SH3PXD2A: variants seen among roughly 807,000 people sequenced by gnomAD.
The protein encoded by SH3PXD2A is SH3 and PX domain-containing protein 2A.
A neutral mutation model predicts 115.2 loss-of-function variants in SH3PXD2A; 32 were observed. The observed-to-expected ratio is 0.28, with a 90% confidence interval of 0.21 to 0.37. The LOEUF (loss-of-function observed/expected upper bound fraction) is 0.37. Among genes scored for constraint, SH3PXD2A ranks in the 10% least tolerant of loss-of-function variants. The pLI, the probability that SH3PXD2A is intolerant of heterozygous loss-of-function variation, is 1.00. For synonymous variants in SH3PXD2A, 610 were observed against 629.1 expected (o/e 0.97, Z 0.45); for missense variants, 1,328 against 1,498.7 (o/e 0.89, Z 1.88).
intron 8 of SH3PXD2A, among the ~76,000 whole-genome samples, chr10:103,653,176 G>A (rs1400326364): frequency 6.6e-6 from 1 of 152,152 alleles, no homozygotes; most frequent in Non-Finnish European, 1.5e-5. Context: ...CAATATTTGA[G>A]CCCCATGAGG....
At chr10:103,689,426 AG>A (rs754678499) in intron 6 of SH3PXD2A, among the ~76,000 whole-genome samples, 4 of 151,932 alleles carry the variant, frequency 2.6e-5, no homozygotes, top group Non-Finnish European at 4.4e-5. Flanking sequence ...GCACTTTGGG[AG>A]GCTGAGATGG....
At chr10:103,793,575 C>T (rs1246516599) in intron 2 of SH3PXD2A, among the ~76,000 whole-genome samples, 2 of 152,226 alleles carry the variant, frequency 1.3e-5, no homozygotes, top group African/African-American at 2.4e-5. Context: ...CAGTGAATGA[C>T]CTCAGTCAAG....
intron 2 of SH3PXD2A, among the ~76,000 whole-genome samples, chr10:103,769,177 T>TGCGCGCGC (rs1168636744): frequency 6.2e-5 from 7 of 112,524 alleles, no homozygotes; most frequent in African/African-American, 2.3e-4. Context: ...TGTGTGTGTG[T>TGCGCGCGC]GTGTGCGCGC....
At chr10:103,834,009 C>T (rs2039506696) in intron 1 of SH3PXD2A, among the ~76,000 whole-genome samples, 1 of 152,196 alleles carries the variant, frequency 6.6e-6, no homozygotes, top group Non-Finnish European at 1.5e-5. Flanking sequence ...CCAGTTTCCA[C>T]CCCTCCCCCA....
At chr10:103,732,327 A>G (rs2038330346) in intron 4 of SH3PXD2A, among the ~76,000 whole-genome samples, 1 of 152,228 alleles carries the variant, frequency 6.6e-6, no homozygotes, top group Non-Finnish European at 1.5e-5. Flanking sequence ...GTCTCAGACC[A>G]TTAAATATTA....
chr10:103,663,284 G>A (rs1207007565), intron 7 of SH3PXD2A, among the ~76,000 whole-genome samples: 5 of 152,102 alleles, frequency 3.3e-5, no homozygotes, highest in Middle Eastern at 3.2e-3. Flanking sequence ...CACATTAACC[G>A]CCCCATTTCA....
intron 5 of SH3PXD2A, among the ~76,000 whole-genome samples, chr10:103,707,459 T>C (rs1321428079): frequency 6.6e-6 from 1 of 152,162 alleles, no homozygotes; most frequent in Non-Finnish European, 1.5e-5. Context: ...CCTCCCAAGG[T>C]GCTGGGATTA....
At chr10:103,820,132 C>A (rs1050277960) in intron 1 of SH3PXD2A, among the ~76,000 whole-genome samples, 1 of 152,180 alleles carries the variant, frequency 6.6e-6, no homozygotes, top group Non-Finnish European at 1.5e-5. Context: ...CTTTGTTTCA[C>A]GCTCAATTCG....
At chr10:103,770,706 G>C (rs527303223) in intron 2 of SH3PXD2A, among the ~76,000 whole-genome samples, 1 of 152,138 alleles carries the variant, frequency 6.6e-6, no homozygotes, top group Non-Finnish European at 1.5e-5. Flanking sequence ...GTGGTCCATG[G>C]GGGTGGGGGA....
chr10:103,651,915 C>T (rs1036816553), intron 8 of SH3PXD2A, among the ~76,000 whole-genome samples: 2 of 152,236 alleles, frequency 1.3e-5, no homozygotes, highest in Non-Finnish European at 2.9e-5. Context: ...CCAGGGCAAC[C>T]TGTGGCACTG....
intron 4 of SH3PXD2A, among the ~76,000 whole-genome samples, chr10:103,730,850 C>T (rs867077457): frequency 6.6e-6 from 1 of 152,066 alleles, no homozygotes; most frequent in Non-Finnish European, 1.5e-5. Flanking sequence ...TGCACAGAGT[C>T]GGGGTGGGCG....
At chr10:103,801,608 A>G (rs2039148706) in intron 1 of SH3PXD2A, among the ~76,000 whole-genome samples, 1 of 145,694 alleles carries the variant, frequency 6.9e-6, no homozygotes, top group African/African-American at 2.7e-5. Context: ...AACAATGATT[A>G]TCTTAGGAAA....
intron 7 of SH3PXD2A, chr10:103,661,952 G>A (rs898582124): frequency 6.8e-5 from 67 of 985,230 alleles, no homozygotes; most frequent in Admixed American, 2.5e-4. Context: ...CTGCCCCTCG[G>A]GCTCACCCAG....
At chr10:103,815,450 T>C (rs1462076920) in intron 1 of SH3PXD2A, among the ~76,000 whole-genome samples, 1 of 148,380 alleles carries the variant, frequency 6.7e-6, no homozygotes, top group Non-Finnish European at 1.5e-5. Context: ...ATACAGTGTA[T>C]AATATATATA....
At chr10:103,607,528 G>T (rs1395009531) in intron 13 of SH3PXD2A, among the ~76,000 whole-genome samples, 41 of 149,050 alleles carry the variant, frequency 2.8e-4, no homozygotes, top group Non-Finnish European at 4.6e-4. Context: ...GGAGGGAGGT[G>T]GGGGGGTCAG....
At chr10:103,799,389 C>T (rs959681625) in intron 2 of SH3PXD2A, among the ~76,000 whole-genome samples, 2 of 152,264 alleles carry the variant, frequency 1.3e-5, no homozygotes, top group Non-Finnish European at 2.9e-5. Flanking sequence ...TTCCAAAGAA[C>T]GATTCCAACC....
chr10:103,685,748 G>A (rs2037669727), intron 6 of SH3PXD2A, among the ~76,000 whole-genome samples: 1 of 152,106 alleles, frequency 6.6e-6, no homozygotes, highest in Non-Finnish European at 1.5e-5. Flanking sequence ...CATAGAGAAG[G>A]ACTTGCCCAA....
chr10:103,648,647 G>A (rs955996864), intron 8 of SH3PXD2A, among the ~76,000 whole-genome samples: 2 of 152,216 alleles, frequency 1.3e-5, no homozygotes, highest in African/African-American at 4.8e-5. Context: ...AGGAGGGGAA[G>A]CCACCCCAAA....
intron 11 of SH3PXD2A, among the ~76,000 whole-genome samples, chr10:103,615,121 G>T (rs559971822): frequency 1.3e-5 from 2 of 152,310 alleles, no homozygotes; most frequent in African/African-American, 4.8e-5. Flanking sequence ...AAAGCAAGGG[G>T]GTCACACAGT....
Sources: allele counts gnomAD v4.1 joint callset (sites outside exome capture counted in the v4.1 genomes callset), GRCh38; gene constraint gnomAD v4.1.1; transcripts MANE v1.5; gene names NCBI Gene and HGNC (gene_info 2026-07-23, HGNC 2026-07-21).